GLRA2: variants seen among roughly 807,000 people sequenced by gnomAD.
GLRA2 encodes the protein glycine receptor subunit alpha-2.
In GLRA2, 11 loss-of-function variants were observed where a neutral mutation model predicts 31.6. The ratio of observed to expected loss-of-function variants is 0.35; its 90% CI spans 0.22 to 0.58. The LOEUF (loss-of-function observed/expected upper bound fraction) is 0.58, where lower values mean the gene tolerates loss of function less well. Among genes scored for constraint, GLRA2 ranks in the 20% least tolerant of loss-of-function variants. The pLI, the probability that GLRA2 is intolerant of heterozygous loss-of-function variation, is 0.84. For synonymous variants in GLRA2, 132 were observed against 134.0 expected, an observed-to-expected ratio of 0.99 and a Z score of 0.10; for missense variants, 212 against 351.8, an observed-to-expected ratio of 0.60 and a Z score of 3.18.
At chrX:14,479,420 C>T in the GLRA2 span, among the ~76,000 whole-genome samples, 1 of 111,175 alleles carries the variant, frequency 9.0e-6, no homozygotes, top group African/African-American at 3.3e-5. Flanking sequence ...TCAGTGGGTA[C>T]AAATGCAGGT....
chrX:14,523,895 C>T, the GLRA2 span, among the ~76,000 whole-genome samples: 1 of 111,661 alleles, frequency 9.0e-6, no homozygotes, highest in Non-Finnish European at 1.9e-5. Flanking sequence ...GTTGTCATTT[C>T]AACAATGTTC....
the GLRA2 span, among the ~76,000 whole-genome samples, chrX:14,515,001 G>A: frequency 2.7e-5 from 3 of 110,668 alleles, no homozygotes; most frequent in African/African-American, 9.8e-5. Flanking sequence ...CATCTTGAGA[G>A]CATTTTTCTT....
chrX:14,625,391 T>G (rs1225045259), intron 7 of GLRA2, among the ~76,000 whole-genome samples: 1 of 111,720 alleles, frequency 9.0e-6, no homozygotes, highest in Non-Finnish European at 1.9e-5. Context: ...CCTGTCATTA[T>G]GATGCTAGCT....
At chrX:14,507,408 G>A in the GLRA2 span, among the ~76,000 whole-genome samples, 1 of 111,426 alleles carries the variant, frequency 9.0e-6, no homozygotes, top group Non-Finnish European at 1.9e-5. Flanking sequence ...TTTATCAAAT[G>A]TTTGGCACGC....
chrX:14,635,121 T>C (rs6630747), intron 7 of GLRA2, among the ~76,000 whole-genome samples: 35 of 111,929 alleles, frequency 3.1e-4, no homozygotes, highest in East Asian at 2.2e-3. Flanking sequence ...TTCTATTATG[T>C]AGCAGCAGAC....
At chrX:14,636,982 C>T (rs2090716565) in intron 7 of GLRA2, among the ~76,000 whole-genome samples, 1 of 111,672 alleles carries the variant, frequency 9.0e-6, no homozygotes, top group Non-Finnish European at 1.9e-5. Flanking sequence ...TTGTTCTATT[C>T]TCTCTCTCAT....
intron 7 of GLRA2, among the ~76,000 whole-genome samples, chrX:14,663,104 C>T (rs1315898076): frequency 1.8e-5 from 2 of 111,109 alleles, no homozygotes; most frequent in Admixed American, 9.6e-5. Context: ...AATTTGTATA[C>T]CTTTAGTTAT....
chrX:14,481,489 G>A, the GLRA2 span, among the ~76,000 whole-genome samples: 4 of 111,336 alleles, frequency 3.6e-5, no homozygotes, highest in Non-Finnish European at 3.8e-5. Context: ...AATTTAGAGT[G>A]AAAATCCAGC....
chrX:14,525,827 C>T (rs139933692), upstream of GLRA2, among the ~76,000 whole-genome samples: 569 of 111,902 alleles, frequency 5.1e-3, 5 homozygotes, highest in African/African-American at 0.017. Context: ...GTGGACTATA[C>T]ATATGTACTT....
At chrX:14,516,173 T>C in the GLRA2 span, among the ~76,000 whole-genome samples, 1 of 111,139 alleles carries the variant, frequency 9.0e-6, no homozygotes, top group East Asian at 2.8e-4. Context: ...TCAAATAGAT[T>C]ATCCACCTTA....
the GLRA2 span, among the ~76,000 whole-genome samples, chrX:14,451,457 C>A: frequency 9.2e-6 from 1 of 109,172 alleles, no homozygotes; most frequent in Non-Finnish European, 1.9e-5. Flanking sequence ...ACGGTAAAAC[C>A]CATCTCTACT....
At chrX:14,566,669 G>A (rs183045029) in intron 2 of GLRA2, among the ~76,000 whole-genome samples, 1 of 111,518 alleles carries the variant, frequency 9.0e-6, no homozygotes, top group Non-Finnish European at 1.9e-5. Context: ...AAACTTAGAG[G>A]CATCTCTCCT....
chrX:14,524,793 TTAATG>T (rs775575553), upstream of GLRA2, among the ~76,000 whole-genome samples: 103 of 110,511 alleles, frequency 9.3e-4, no homozygotes, highest in South Asian at 9.5e-3. Flanking sequence ...TAACCAAAGT[TTAATG>T]TAATGGAATC....
intron 2 of GLRA2, among the ~76,000 whole-genome samples, chrX:14,573,210 A>G (rs193018259): frequency 8.9e-6 from 1 of 112,312 alleles, no homozygotes; most frequent in East Asian, 2.8e-4. Flanking sequence ...GGGGAGTTAA[A>G]TTAGCCATTG....
chrX:14,665,766 T>C (rs1216445208), intron 7 of GLRA2, among the ~76,000 whole-genome samples: 2 of 112,272 alleles, frequency 1.8e-5, no homozygotes, highest in African/African-American at 6.5e-5. Context: ...TAATCAAATA[T>C]TCTTATTAAT....
At chrX:14,527,956 C>A (rs1317225303), upstream of GLRA2, among the ~76,000 whole-genome samples, 2 of 112,378 alleles carry the variant, frequency 1.8e-5, no homozygotes, top group Non-Finnish European at 3.8e-5. Context: ...GAATCATTTT[C>A]TCTAGGCTTT....
chrX:14,558,019 A>AAAAAC lies in GLRA2; in HGVS notation c.203-16300_203-16296dup, dbSNP rs532687874. Among the ~76,000 whole-genome samples, 10 of 112,200 alleles carry AAAAAC rather than the reference A, an allele frequency of 8.9e-5. No individual in the cohort carries two copies. The South Asian group carries it at 3.0e-3, about 34-fold the overall frequency. ...AAGAAGTCCTGTAAAGCTAAGAAGA[A>AAAAAC]AAAACAAAACAAAACAAAGTTTACA... is the stretch of plus-strand genomic sequence containing the variant. On this transcript the variant is annotated intron_variant, in intron 2 of 8. Transcript: ENST00000218075.
At chrX:14,649,020 C>T (rs1436491508) in intron 7 of GLRA2, among the ~76,000 whole-genome samples, 1 of 111,179 alleles carries the variant, frequency 9.0e-6, no homozygotes, top group Non-Finnish European at 1.9e-5. Context: ...TCGAGACCAT[C>T]CTGGCCAACA....
the GLRA2 span, among the ~76,000 whole-genome samples, chrX:14,456,358 T>G: frequency 8.9e-6 from 1 of 111,781 alleles, no homozygotes; most frequent in African/African-American, 3.2e-5. Flanking sequence ...TTCTTTGTGT[T>G]AGGAACATCC....
Sources: allele counts gnomAD v4.1 joint callset (sites outside exome capture counted in the v4.1 genomes callset), GRCh38; gene constraint gnomAD v4.1.1; transcripts MANE v1.5; gene names NCBI Gene and HGNC (gene_info 2026-07-23, HGNC 2026-07-21).